Variants in ARL5A observed in about 807,000 individuals in gnomAD.
ARL5A encodes the protein ARF like GTPase 5A.
Under a neutral mutation model 25.9 loss-of-function variants are expected in ARL5A, and 18 were observed. The ratio of observed to expected loss-of-function variants is 0.69; its 90% CI spans 0.48 to 1.03. The LOEUF is 1.03. ARL5A is among the 50% of genes least tolerant of loss of function. ARL5A has a pLI of 0.00. For synonymous variants in ARL5A, 61 were observed against 67.5 expected (o/e 0.90, Z 0.47); for missense variants, 170 against 211.9 (o/e 0.80, Z 1.23).
chr2:151,813,812 A>G (rs773585141), intron 3 of ARL5A, among the ~76,000 whole-genome samples: 29 of 152,222 alleles, frequency 1.9e-4, no homozygotes, highest in Non-Finnish European at 3.5e-4. Flanking sequence ...AAAACTGGCT[A>G]GGATTCAAAC....
intron 1 of ARL5A, among the ~76,000 whole-genome samples, chr2:151,818,592 A>G (rs1475458707): frequency 1.3e-5 from 2 of 152,202 alleles, no homozygotes; most frequent in African/African-American, 4.8e-5. Context: ...TCATCTTTAG[A>G]GCAAGGCCAT....
At chr2:151,825,502 G>A (rs1432699823) in intron 1 of ARL5A, among the ~76,000 whole-genome samples, 3 of 152,132 alleles carry the variant, frequency 2.0e-5, no homozygotes, top group African/African-American at 7.2e-5. Flanking sequence ...TGATTTAAAT[G>A]ACAGCATCTA....
Position 151,803,220 on chromosome 2 carries a change from C to T in ARL5A, c.*56G>A. ...CTAAACCATTAATTTTTGCAGCTTT[C>T]AGGTAAAGTCCAGCACTTCATTTAT... On this transcript the variant is annotated 3_prime_UTR_variant, in exon 6 of 6. Transcript: ENST00000295087. 2.3e-6 allele frequency: 3 copies of T among 1,312,872 alleles called. No individual in the cohort carries two copies. Among genetic ancestry groups the T allele is most frequent in the East Asian group, 2.3e-5 (1 of 42,660 alleles). 81.3% of individuals were successfully genotyped at this position (1,312,872 alleles called of 1,614,324 possible). A position where few individuals can be genotyped will look rare whatever the true frequency, so the allele number is the denominator to read the frequency against.
rs1028548498 is a variant in ARL5A at position 151,800,030 on chromosome 2, T to C, written c.*3246A>G. 4 of 152,210 alleles carry C rather than the reference T, an allele frequency of 2.6e-5. No individual in the cohort carries two copies. Among genetic ancestry groups the C allele is most frequent in the African/African-American group, 9.7e-5 (4 of 41,434 alleles). The allele number at this position is 152,210 out of a possible 1,614,324, so 9.4% of individuals were successfully genotyped here. A position where few individuals can be genotyped will look rare whatever the true frequency, so the allele number is the denominator to read the frequency against. On this transcript the variant is annotated 3_prime_UTR_variant, in exon 6 of 6. Coordinates refer to ENST00000295087, the MANE Select transcript of ARL5A (RefSeq NM_012097.4). ...TCTCTACCCAGCCTTGAAAAAGTGATTGATGACAACATACAACTGGGCAGT... is the reference window on the plus strand; with the variant it reads ...TCTCTACCCAGCCTTGAAAAAGTGACTGATGACAACATACAACTGGGCAGT...
chr2:151,807,401 T>C (rs75438256), intron 4 of ARL5A, among the ~76,000 whole-genome samples: 1,998 of 152,302 alleles, frequency 0.013, 49 homozygotes, highest in African/African-American at 0.046. Flanking sequence ...TAAACAGTTT[T>C]GGGCACTGCC....
In ARL5A at chr2:151,814,178, A is replaced by G; in HGVS notation, c.246T>C (p.Thr82=). 2 of 1,591,328 alleles carry G rather than the reference A, an allele frequency of 1.3e-6. No homozygotes were observed. The highest frequency in any genetic ancestry group is 2.3e-4 in the Middle Eastern group (1 of 4,432). ...SLRSSWNTYY[T]NTEFVIVVVD... is the part of the protein sequence containing the mutation. ...TTGTAAGAAACATTACCTCTGTGTT[A>G]GTATAGTAAGTGTTCCAGGAAGAAC... Residue 82 remains threonine (T), a synonymous_variant, in exon 3 of 6, where the codon ACT becomes ACC. Coordinates refer to ENST00000295087, the MANE Select transcript of ARL5A (RefSeq NM_012097.4).
intron 1 of ARL5A, among the ~76,000 whole-genome samples, chr2:151,820,660 C>CAAAAAAAAAAAAAA (rs71410438): frequency 2.2e-5 from 1 of 45,080 alleles, no homozygotes; most frequent in African/African-American, 1.0e-4. Flanking sequence ...ATCCTGTCTC[C>CAAAAAAAAAAAAAA]AAAAAAAAAA....
chr2:151,819,637 T>A (rs533685082), intron 1 of ARL5A, among the ~76,000 whole-genome samples: 20 of 152,324 alleles, frequency 1.3e-4, no homozygotes, highest in Middle Eastern at 3.4e-3. Context: ...GGTATTTTTT[T>A]AAGTGGTCTC....
At chr2:151,826,801 CCAACA>C (rs1265773291) in intron 1 of ARL5A, among the ~76,000 whole-genome samples, 4 of 152,212 alleles carry the variant, frequency 2.6e-5, no homozygotes, top group African/African-American at 9.6e-5. Flanking sequence ...TCTCCTGCTC[CCAACA>C]CTAACAGCCA....
intron 5 of ARL5A, among the ~76,000 whole-genome samples, chr2:151,805,162 T>C (rs2151291537): frequency 6.6e-6 from 1 of 152,258 alleles, no homozygotes; most frequent in Non-Finnish European, 1.5e-5. Context: ...ACTTAACATA[T>C]TTTTACTTAA....
chr2:151,824,419 C>G (rs1390349149), intron 1 of ARL5A, among the ~76,000 whole-genome samples: 2 of 152,130 alleles, frequency 1.3e-5, no homozygotes, highest in Non-Finnish European at 2.9e-5. Flanking sequence ...AGCTAAGACA[C>G]AGTCTACCCC....
intron 5 of ARL5A, among the ~76,000 whole-genome samples, chr2:151,804,302 AGAAACTAAAAGTT>A (rs1462623755): frequency 6.6e-6 from 1 of 152,222 alleles, no homozygotes; most frequent in African/African-American, 2.4e-5. Flanking sequence ...CTGTGGGAAA[AGAAACTAAAAGTT>A]GAGCAAGAGA....
chr2:151,806,621 A>T (rs1248544165), intron 5 of ARL5A, among the ~76,000 whole-genome samples, 200 bp downstream of exon 5: 1 of 152,144 alleles, frequency 6.6e-6, no homozygotes, highest in South Asian at 2.1e-4. Flanking sequence ...CAGTAGGTTT[A>T]TGTGTATTAT....
intron 4 of ARL5A, 127 bp from the exon 5 acceptor site, chr2:151,807,099 A>G: frequency 2.5e-6 from 2 of 809,118 alleles, no homozygotes; most frequent in East Asian, 5.3e-5. Flanking sequence ...AAAGCATCTC[A>G]GTGCCTAGGC....
chr2:151,828,252 A>G lies in ARL5A; in HGVS notation c.-76T>C, dbSNP rs928109936. On this transcript the variant is annotated 5_prime_UTR_variant, in exon 1 of 6. Coordinates refer to ENST00000295087, the MANE Select transcript of ARL5A (RefSeq NM_012097.4). ...CCCGGCTCAGGCTGAGGGGGAGGAG[A>G]GAGACGCGCTGGAGCCTCCGCCTCT... The G allele has an allele frequency of 2.2e-6, 3 of 1,365,466 alleles. No individual in the cohort carries two copies. In the East Asian group the frequency reaches 7.6e-5, roughly 35 times the overall value. The allele number at this position is 1,365,466 out of a possible 1,614,324, so 84.6% of individuals were successfully genotyped here.
At chr2:151,823,126 T>C (rs1002701159) in intron 1 of ARL5A, among the ~76,000 whole-genome samples, 1 of 152,230 alleles carries the variant, frequency 6.6e-6, no homozygotes, top group Non-Finnish European at 1.5e-5. Flanking sequence ...TAAGCCCTAT[T>C]AATTCTATGT....
At chr2:151,817,564 C>A (rs1251248424) in intron 1 of ARL5A, among the ~76,000 whole-genome samples, 1 of 152,116 alleles carries the variant, frequency 6.6e-6, no homozygotes, top group African/African-American at 2.4e-5. Context: ...ATAGGAAGAT[C>A]AAGTAAATAA....
At chr2:151,809,991 G>C (rs981299172) in intron 4 of ARL5A, among the ~76,000 whole-genome samples, 3 of 152,172 alleles carry the variant, frequency 2.0e-5, no homozygotes, top group Non-Finnish European at 4.4e-5. Context: ...GCTGAGGCAG[G>C]AGAATTGCTT....
chr2:151,811,033 G>C (rs948259569), intron 4 of ARL5A, among the ~76,000 whole-genome samples: 1 of 152,102 alleles, frequency 6.6e-6, no homozygotes, highest in Non-Finnish European at 1.5e-5. Context: ...TCTGGCGAAT[G>C]AACACAGAAT....
Sources: gnomAD v4.1 joint callset for allele counts (sites outside exome capture counted in the v4.1 genomes callset) on GRCh38, gnomAD v4.1.1 for gene constraint, MANE v1.5 for transcripts, NCBI Gene and HGNC (gene_info 2026-07-23, HGNC 2026-07-21) for gene names.